The following TMTC1 variants were observed in gnomAD, a reference collection of about 807,000 sequenced individuals.
The protein encoded by TMTC1 is protein O-mannosyl-transferase TMTC1.
In TMTC1, 73 loss-of-function variants were observed where a neutral mutation model predicts 104.8. The ratio of observed to expected loss-of-function variants is 0.70; its 90% confidence interval spans 0.58 to 0.85. TMTC1 has a LOEUF of 0.85. TMTC1 is among the 40% of genes least tolerant of loss of function. The pLI, the probability that TMTC1 is intolerant of heterozygous loss-of-function variation, is 0.00. For missense variants in TMTC1, 1,035 were observed against 1,096.1 expected (o/e 0.94, Z 0.79); for synonymous variants, 434 against 428.7 (o/e 1.01, Z -0.15).
intron 10 of TMTC1, among the ~76,000 whole-genome samples, chr12:29,539,506 C>A (rs1944736112): frequency 6.6e-6 from 1 of 152,160 alleles, no homozygotes; most frequent in South Asian, 2.1e-4. Context: ...GTCCAACTAC[C>A]TACAGATAGA....
chr12:29,532,108 G>A (rs299447), intron 11 of TMTC1, among the ~76,000 whole-genome samples: 121 of 152,108 alleles, frequency 8.0e-4, no homozygotes, highest in South Asian at 1.9e-3. Context: ...TTTTCTCCTC[G>A]AGGAAATTAT....
At chr12:29,781,482 A>C (rs1484944815) in intron 1 of TMTC1, among the ~76,000 whole-genome samples, 5 of 151,666 alleles carry the variant, frequency 3.3e-5, no homozygotes, top group Non-Finnish European at 7.4e-5. Context: ...TTCTTTGTCT[A>C]CTCCCTCCAC....
At chr12:29,666,576 G>A (rs1477290339) in intron 5 of TMTC1, among the ~76,000 whole-genome samples, 2 of 152,026 alleles carry the variant, frequency 1.3e-5, no homozygotes, top group Non-Finnish European at 2.9e-5. Flanking sequence ...TCTCGTGGTA[G>A]ATCAGGGTAC....
At chr12:29,536,534 C>T (rs551993317) in intron 10 of TMTC1, among the ~76,000 whole-genome samples, 2 of 152,336 alleles carry the variant, frequency 1.3e-5, no homozygotes, top group South Asian at 2.1e-4. Flanking sequence ...ATGTAAATTA[C>T]GCTTCAGGTT....
rs1021594316 is a variant in TMTC1 at position 29,552,555 on chromosome 12, A to G, written c.1676+4302T>C. The stretch of plus-strand genomic sequence containing the variant: ...AAGGAGGCAGTAGAGTGCGGTGGTT[A>G]GGGGCAGAAGGGCTAGAGCAGGTCT... On this transcript the variant is annotated intron_variant, in intron 10 of 17. Transcript: ENST00000539277. Among the ~76,000 whole-genome samples, 12 of 151,982 alleles carry G rather than the reference A, an allele frequency of 7.9e-5. No individual in the cohort carries two copies. The East Asian group carries it at 2.4e-3, about 30-fold the overall frequency.
At chr12:29,551,704 T>C (rs1226561490) in intron 10 of TMTC1, among the ~76,000 whole-genome samples, 1 of 152,160 alleles carries the variant, frequency 6.6e-6, no homozygotes. Flanking sequence ...TTAAATATTC[T>C]ATTATATTCT....
At chr12:29,773,945 G>C (rs926925500) in intron 1 of TMTC1, among the ~76,000 whole-genome samples, 15 of 152,130 alleles carry the variant, frequency 9.9e-5, no homozygotes, top group African/African-American at 3.6e-4. Context: ...AGTTGCAGGT[G>C]CTCCTTCACC....
At chr12:29,638,159 C>T (rs1938650330) in intron 5 of TMTC1, among the ~76,000 whole-genome samples, 1 of 152,096 alleles carries the variant, frequency 6.6e-6, no homozygotes. Flanking sequence ...CTCCTGTTTT[C>T]GTGCCCAAAT....
At chr12:29,584,595 C>T (rs987127537) in intron 7 of TMTC1, among the ~76,000 whole-genome samples, 1 of 152,040 alleles carries the variant, frequency 6.6e-6, no homozygotes, top group Admixed American at 6.6e-5. Context: ...CGCCCCGCTT[C>T]CCCGACCCCA....
chr12:29,584,352 T>G (rs1314933427), intron 7 of TMTC1, among the ~76,000 whole-genome samples: 2 of 152,192 alleles, frequency 1.3e-5, no homozygotes, highest in Non-Finnish European at 2.9e-5. Flanking sequence ...AAACTTGTAG[T>G]TTGTACCCAT....
At chr12:29,761,047 C>T (rs1468736946) in intron 2 of TMTC1, among the ~76,000 whole-genome samples, 1 of 147,158 alleles carries the variant, frequency 6.8e-6, no homozygotes, top group African/African-American at 2.5e-5. Context: ...AATTGTATAA[C>T]ATATTAATAA....
At chr12:29,774,111 C>A (rs1011720105) in intron 1 of TMTC1, among the ~76,000 whole-genome samples, 2 of 152,150 alleles carry the variant, frequency 1.3e-5, no homozygotes, top group African/African-American at 4.8e-5. Flanking sequence ...CCTTTCTCTA[C>A]ATTATGCCAG....
At chr12:29,602,970 A>G (rs1199160536) in intron 7 of TMTC1, among the ~76,000 whole-genome samples, 1 of 152,228 alleles carries the variant, frequency 6.6e-6, no homozygotes, top group Non-Finnish European at 1.5e-5. Flanking sequence ...ACATATTTAG[A>G]ACACAGATTG....
chr12:29,691,838 ATTAT>A (rs1306359092), intron 5 of TMTC1, among the ~76,000 whole-genome samples: 2 of 144,524 alleles, frequency 1.4e-5, no homozygotes, highest in Non-Finnish European at 3.0e-5. Context: ...GAAATTCGGG[ATTAT>A]TTAGTCAACA....
chr12:29,729,649 T>C (rs865807152), intron 5 of TMTC1, among the ~76,000 whole-genome samples: 3 of 152,174 alleles, frequency 2.0e-5, no homozygotes, highest in African/African-American at 7.2e-5. Context: ...GTGACTTCCA[T>C]GGGGTTACGG....
At chr12:29,528,496 T>C (rs1377868302) in intron 11 of TMTC1, among the ~76,000 whole-genome samples, 7 of 152,154 alleles carry the variant, frequency 4.6e-5, no homozygotes, top group African/African-American at 1.7e-4. Context: ...GGAAGAGAGA[T>C]AAAACACAGT....
intron 6 of TMTC1, among the ~76,000 whole-genome samples, chr12:29,606,066 T>A (rs1001776787): frequency 6.6e-6 from 1 of 152,224 alleles, no homozygotes; most frequent in African/African-American, 2.4e-5. Flanking sequence ...GGCTGCTTAG[T>A]ATTTCATGGT....
chr12:29,778,038 C>A (rs1027184742), intron 1 of TMTC1, among the ~76,000 whole-genome samples: 1 of 152,200 alleles, frequency 6.6e-6, no homozygotes, highest in South Asian at 2.1e-4. Context: ...AAAAAACCTT[C>A]AAGATCAAAC....
intron 8 of TMTC1, among the ~76,000 whole-genome samples, chr12:29,574,338 C>A (rs1945763396): frequency 6.6e-6 from 1 of 152,100 alleles, no homozygotes; most frequent in Non-Finnish European, 1.5e-5. Flanking sequence ...ATTAACCTTT[C>A]CCTATACTAA....
Sources: allele counts gnomAD v4.1 joint callset (sites outside exome capture counted in the v4.1 genomes callset), GRCh38; gene constraint gnomAD v4.1.1; transcripts MANE v1.5; gene names NCBI Gene and HGNC (gene_info 2026-07-23, HGNC 2026-07-21).